The following RBMS2 variants were observed in gnomAD, a reference collection of about 807,000 sequenced individuals.
RBMS2 encodes RNA-binding motif, single-stranded-interacting protein 2.
RBMS2 carries 38 observed loss-of-function variants against 58.4 expected under a neutral mutation model. The ratio of observed to expected loss-of-function variants is 0.65; its 90% CI spans 0.50 to 0.85. RBMS2 has a LOEUF of 0.85. Among genes scored for constraint, RBMS2 ranks in the 40% least tolerant of loss-of-function variants. The pLI is 0.00. For synonymous variants in RBMS2, 151 were observed against 180.7 expected (o/e 0.84, Z 1.32); for missense variants, 367 against 503.7 (o/e 0.73, Z 2.60).
intron 4 of RBMS2, 85 bp downstream of exon 4, chr12:56,570,075 A>C: frequency 7.7e-7 from 1 of 1,290,958 alleles, no homozygotes; most frequent in Non-Finnish European, 1.1e-6. Flanking sequence ...AGAGGGCTTA[A>C]GAACCATGAA....
chr12:56,535,273 T>C (rs1226112387), intron 1 of RBMS2, among the ~76,000 whole-genome samples: 2 of 152,150 alleles, frequency 1.3e-5, no homozygotes, highest in African/African-American at 4.8e-5. Flanking sequence ...GGTGAGCAGA[T>C]TGCTTGAGCT....
intron 5 of RBMS2, 96 bp from the exon 6 acceptor site, chr12:56,581,088 G>T (rs747932607): frequency 2.7e-5 from 27 of 1,009,360 alleles, no homozygotes; most frequent in Non-Finnish European, 4.2e-5. Flanking sequence ...TGGAGCAGTT[G>T]TGGGGCTGGG....
intron 1 of RBMS2, 85 bp downstream of exon 1, chr12:56,522,174 G>T: frequency 8.9e-7 from 1 of 1,118,944 alleles, no homozygotes. Flanking sequence ...TCTTTTTAAA[G>T]AGGGGAAGGG....
intron 1 of RBMS2, among the ~76,000 whole-genome samples, chr12:56,555,935 A>T (rs1317775147): frequency 6.6e-6 from 1 of 151,956 alleles, no homozygotes; most frequent in Non-Finnish European, 1.5e-5. Flanking sequence ...AGTCCTAGCT[A>T]CTTGGGAGGC....
chr12:56,551,075 G>T (rs140505563), intron 1 of RBMS2, among the ~76,000 whole-genome samples: 137 of 147,618 alleles, frequency 9.3e-4, no homozygotes, highest in African/African-American at 3.2e-3. Context: ...CTATGATCGC[G>T]CACCACTGCA....
rs1885286015 is a variant in RBMS2 at position 56,591,265 on chromosome 12, A to C, written c.*2132A>C. 4 of 152,106 alleles carry C rather than the reference A, an allele frequency of 2.6e-5. No homozygotes were observed. The allele number at this position is 152,106 out of a possible 1,614,324, so 9.4% of individuals were successfully genotyped here. A position where few individuals can be genotyped will look rare whatever the true frequency, so the allele number is the denominator to read the frequency against. On this transcript the variant is annotated 3_prime_UTR_variant, in exon 14 of 14. Coordinates refer to ENST00000262031, the MANE Select transcript of RBMS2 (RefSeq NM_002898.4). Reference sequence around the variant, plus strand: ...AGGGGGTGACAGCAGGGGAAAAGAAACTGTAGTATCAGTTGTCACAAGTAG... The same window carrying C: ...AGGGGGTGACAGCAGGGGAAAAGAACCTGTAGTATCAGTTGTCACAAGTAG...
intron 1 of RBMS2, among the ~76,000 whole-genome samples, chr12:56,543,125 G>A (rs960053388): frequency 3.9e-5 from 6 of 151,974 alleles, no homozygotes; most frequent in African/African-American, 1.4e-4. Flanking sequence ...CTCCTGCCTT[G>A]GTTTCTCTAA....
intron 5 of RBMS2, among the ~76,000 whole-genome samples, chr12:56,578,095 G>A (rs999722297): frequency 1.3e-5 from 2 of 152,078 alleles, no homozygotes; most frequent in Middle Eastern, 3.4e-3. Flanking sequence ...AAAGTGCTGG[G>A]ATTGAGGCAT....
chr12:56,585,995 C>T (rs1884612637), intron 9 of RBMS2, among the ~76,000 whole-genome samples: 1 of 152,086 alleles, frequency 6.6e-6, no homozygotes, highest in South Asian at 2.1e-4. Flanking sequence ...CTAGCCTGGG[C>T]AACATGGCGA....
intron 5 of RBMS2, chr12:56,580,300 T>A (rs1400655399): frequency 2.4e-6 from 1 of 423,160 alleles, no homozygotes; most frequent in East Asian, 8.5e-5. Flanking sequence ...TGGCGTGATC[T>A]CGACTCACTA....
chr12:56,572,391 G>A (rs770106764), intron 5 of RBMS2, among the ~76,000 whole-genome samples: 10 of 151,084 alleles, frequency 6.6e-5, no homozygotes, highest in Non-Finnish European at 1.5e-4. Flanking sequence ...GGGTCTTGCT[G>A]TGTTGCCCAG....
chr12:56,536,755 G>A (rs1413653677), intron 1 of RBMS2, among the ~76,000 whole-genome samples: 1 of 151,410 alleles, frequency 6.6e-6, no homozygotes, highest in East Asian at 2.0e-4. Context: ...TTTCAGTGGA[G>A]ACGGGGTTTC....
upstream of RBMS2, among the ~76,000 whole-genome samples, chr12:56,520,906 T>C (rs1342413164): frequency 3.3e-5 from 5 of 152,268 alleles, no homozygotes; most frequent in Non-Finnish European, 7.4e-5. Flanking sequence ...CTGCAATTGT[T>C]AGAGAAATAA....
intron 1 of RBMS2, among the ~76,000 whole-genome samples, chr12:56,545,210 C>G (rs953540088): frequency 6.6e-6 from 1 of 152,134 alleles, no homozygotes; most frequent in African/African-American, 2.4e-5. Flanking sequence ...TAATGGCCTA[C>G]AGCTCCATCC....
chr12:56,585,504 C>T (rs146025661), intron 9 of RBMS2, among the ~76,000 whole-genome samples: 5 of 152,118 alleles, frequency 3.3e-5, no homozygotes, highest in East Asian at 3.9e-4. Context: ...GATTTTTTTG[C>T]GTCTGGCTTC....
At chr12:56,532,285 G>A (rs547024549) in intron 1 of RBMS2, among the ~76,000 whole-genome samples, 1 of 151,974 alleles carries the variant, frequency 6.6e-6, no homozygotes, top group African/African-American at 2.4e-5. Flanking sequence ...GCTCACACCT[G>A]TAATCCCAGC....
chr12:56,534,710 C>T (rs911067462), intron 1 of RBMS2, among the ~76,000 whole-genome samples: 5 of 152,134 alleles, frequency 3.3e-5, no homozygotes, highest in Non-Finnish European at 5.9e-5. Context: ...GGCACGTTCT[C>T]GGCTCACTGC....
At chr12:56,534,609 C>T (rs536468096) in intron 1 of RBMS2, among the ~76,000 whole-genome samples, 9 of 152,174 alleles carry the variant, frequency 5.9e-5, no homozygotes, top group African/African-American at 2.2e-4. Context: ...TTTTGAAAGT[C>T]TGCAGTGACT....
At chr12:56,567,756 A>G (rs140845153) in intron 2 of RBMS2, among the ~76,000 whole-genome samples, 3,037 of 151,448 alleles carry the variant, frequency 0.02, 110 homozygotes, top group African/African-American at 0.069. Context: ...GCTTGAGCCC[A>G]GGAGTTCGAG....
Sources: gnomAD v4.1 joint callset for allele counts (sites outside exome capture counted in the v4.1 genomes callset) on GRCh38, gnomAD v4.1.1 for gene constraint, MANE v1.5 for transcripts, NCBI Gene and HGNC (gene_info 2026-07-23, HGNC 2026-07-21) for gene names.